The following COL9A1 variants were observed in gnomAD, a reference collection of about 807,000 sequenced individuals.
COL9A1 encodes the protein collagen alpha-1(IX) chain.
Under a neutral mutation model 142.6 loss-of-function variants are expected in COL9A1, and 104 were observed. The observed-to-expected ratio is 0.73, with a 90% CI of 0.62 to 0.86. The LOEUF is 0.86. Among genes scored for constraint, COL9A1 ranks in the 40% least tolerant of loss-of-function variants. COL9A1 has a pLI of 0.00. For synonymous variants in COL9A1, 466 were observed against 396.0 expected (o/e 1.18, Z -2.10); for missense variants, 1,210 against 1,176.6 (o/e 1.03, Z -0.42).
At position 70,235,955 on chromosome 6, in the gene COL9A1, A is replaced by C. The variant is rs78592179; in HGVS notation, c.2113-1015T>G. Among the ~76,000 whole-genome samples, 1,427 of 152,038 alleles carry C rather than the reference A, an allele frequency of 9.4e-3. 21 individuals are homozygous for C. The highest frequency in any genetic ancestry group is 0.031 in the African/African-American group (1,279 of 41,424). ...CGGTGAAACCCCTTCTCTACTAAAA[A>C]TACCAAAAATTAGCCGGCGTAGTGG... On this transcript the variant is annotated intron_variant, in intron 33 of 37. Coordinates refer to ENST00000357250, the MANE Select transcript of COL9A1 (RefSeq NM_001851.6).
rs374859096 is a variant in COL9A1, at chr6:70,261,588, G to C, written c.1396-878C>G. Reference sequence around the variant, plus strand: ...CTTAGAGAAAATGGGGCAAGTCCATGACCAACTCTTCATTCAGACCAGTCA... The same window carrying C: ...CTTAGAGAAAATGGGGCAAGTCCATCACCAACTCTTCATTCAGACCAGTCA... On this transcript the variant is annotated intron_variant, in intron 19 of 37. Coordinates refer to ENST00000357250, the MANE Select transcript of COL9A1 (RefSeq NM_001851.6). 5.9e-5 allele frequency among the ~76,000 whole-genome samples: 9 copies of C among 152,312 alleles called. No homozygotes were observed. In the East Asian group the frequency reaches 1.5e-3, roughly 26 times the overall value.
intron 36 of COL9A1, among the ~76,000 whole-genome samples, chr6:70,227,313 A>C (rs894712855): frequency 1.3e-5 from 2 of 151,838 alleles, no homozygotes; most frequent in African/African-American, 4.8e-5. Flanking sequence ...CAACAGCAAA[A>C]AAATGACCAA....
intron 5 of COL9A1, among the ~76,000 whole-genome samples, chr6:70,287,356 T>C (rs1258170227): frequency 1.3e-5 from 2 of 152,164 alleles, no homozygotes; most frequent in African/African-American, 4.8e-5. Context: ...AAGACTTTTT[T>C]TGCAAAAGAT....
chr6:70,274,871 G>A, intron 10 of COL9A1, 99 bp from the exon 11 acceptor site: 1 of 898,962 alleles, frequency 1.1e-6, no homozygotes, highest in South Asian at 1.4e-5. Context: ...TCTACAGGAT[G>A]GTTACATAAG....
In COL9A1 at chr6:70,302,460, G is replaced by A. The variant is rs112845874; in HGVS notation, c.15-386C>T. 4.3e-3 allele frequency among the ~76,000 whole-genome samples: 649 copies of A among 151,834 alleles called. 3 individuals are homozygous for A. The highest frequency in any genetic ancestry group is 0.015 in the African/African-American group (602 of 41,422). ...CCTGACCTCGTGATTCGCCCGCCTC[G>A]GCCTCCCAAAGTGCTGGGATTACAA... On this transcript the variant is annotated intron_variant, in intron 1 of 37. Transcript: ENST00000357250.
intron 36 of COL9A1, among the ~76,000 whole-genome samples, chr6:70,229,725 A>G (rs114313832): frequency 0.016 from 2,387 of 152,306 alleles, 74 homozygotes; most frequent in African/African-American, 0.054. Flanking sequence ...ATACCAAGCA[A>G]AGTGAATATA....
At chr6:70,300,815 A>C (rs1774034703) in intron 2 of COL9A1, among the ~76,000 whole-genome samples, 1 of 152,152 alleles carries the variant, frequency 6.6e-6, no homozygotes, top group South Asian at 2.1e-4. Context: ...GGGCTAGAAA[A>C]TGTTCCTTAA....
intron 37 of COL9A1, among the ~76,000 whole-genome samples, chr6:70,217,749 C>G (rs1244604322): frequency 6.6e-6 from 1 of 152,176 alleles, no homozygotes; most frequent in Non-Finnish European, 1.5e-5. Context: ...AGACAAATAG[C>G]TTTACATTCT....
chr6:70,237,463 G>A (rs1250372572), intron 33 of COL9A1, among the ~76,000 whole-genome samples: 1 of 152,224 alleles, frequency 6.6e-6, no homozygotes, highest in Non-Finnish European at 1.5e-5. Flanking sequence ...TTGTGGGACA[G>A]TAGACTTCAA....
In COL9A1 at chr6:70,217,071, G is replaced by A; in HGVS notation, c.2592C>T (p.Gly864=). ...GGCCATTTCTGCCATAGCTGGCAGGGCCTGGGTCACCTGAAACACACAGAA... is the reference window on the plus strand; with the variant it reads ...GGCCATTTCTGCCATAGCTGGCAGGACCTGGGTCACCTGAAACACACAGAA... The part of the protein sequence containing the change: ...PGAIGLPGDP[G]PASYGRNGRD... The change falls in exon 38 of 38, where the codon GGC becomes GGT. Residue 864 remains glycine (G), a synonymous_variant. Coordinates refer to ENST00000357250, the MANE Select transcript of COL9A1 (RefSeq NM_001851.6). 1 of 1,614,058 alleles carries A rather than the reference G, an allele frequency of 6.2e-7. No individual in the cohort carries two copies. Among genetic ancestry groups the A allele is most frequent in the South Asian group, 1.1e-5 (1 of 91,086 alleles).
At chr6:70,217,716 G>A (rs972527837) in intron 37 of COL9A1, among the ~76,000 whole-genome samples, 15 of 152,144 alleles carry the variant, frequency 9.9e-5, no homozygotes, top group African/African-American at 3.6e-4. Context: ...GTATAGTTTA[G>A]CGGTTAAAAA....
intron 36 of COL9A1, among the ~76,000 whole-genome samples, chr6:70,228,468 G>A (rs1335110451): frequency 6.6e-6 from 1 of 152,092 alleles, no homozygotes; most frequent in African/African-American, 2.4e-5. Flanking sequence ...GTTAGAAAAT[G>A]CAATGGCACC....
chr6:70,215,603 A>G (rs1375356547), downstream of COL9A1: 1 of 152,260 alleles, frequency 6.6e-6, no homozygotes, highest in Non-Finnish European at 1.5e-5. Flanking sequence ...AGATAATAAT[A>G]AAGTGCTTAA....
intron 25 of COL9A1, 68 bp downstream of exon 25, chr6:70,254,408 C>G: frequency 6.9e-7 from 1 of 1,442,396 alleles, no homozygotes; most frequent in Non-Finnish European, 9.8e-7. Flanking sequence ...TAGCATGTCT[C>G]TCCCCAAAAT....
At chr6:70,284,324 C>T (rs1034524165) in intron 5 of COL9A1, among the ~76,000 whole-genome samples, 11 of 152,126 alleles carry the variant, frequency 7.2e-5, no homozygotes, top group Non-Finnish European at 1.3e-4. Context: ...GAAAGAAAAT[C>T]TAGTCTTGGA....
chr6:70,216,846 G>A lies in COL9A1; in HGVS notation c.*51C>T, dbSNP rs1361950697. 5 of 1,594,554 alleles carry A rather than the reference G, an allele frequency of 3.1e-6. No individual in the cohort carries two copies. Among genetic ancestry groups the A allele is most frequent in the Non-Finnish European group, 4.3e-6 (5 of 1,164,026 alleles). On this transcript the variant is annotated 3_prime_UTR_variant, in exon 38 of 38. Coordinates refer to ENST00000357250, the MANE Select transcript of COL9A1 (RefSeq NM_001851.6). The stretch of plus-strand genomic sequence containing the variant: ...GCTTTGGATGGTGTTTCTCACCCAG[G>A]CTCCTTCACCAGGCGTGGTTCATGC...
chr6:70,219,160 G>C (rs1768717762), intron 37 of COL9A1, among the ~76,000 whole-genome samples: 1 of 152,194 alleles, frequency 6.6e-6, no homozygotes, highest in Non-Finnish European at 1.5e-5. Flanking sequence ...AGGTTTAAAA[G>C]ATGAGCCAGA....
chr6:70,282,886 C>A lies in COL9A1; in HGVS notation c.801+12G>T, dbSNP rs201713797. 1 of 1,614,162 alleles carries A rather than the reference C, an allele frequency of 6.2e-7. No individual in the cohort carries two copies. Among genetic ancestry groups the A allele is most frequent in the Admixed American group, 1.7e-5 (1 of 60,024 alleles). On this transcript the variant is annotated intron_variant, in intron 7 of 37. Transcript: ENST00000357250. The stretch of plus-strand genomic sequence containing the variant: ...GCTTGAAAAATGCAAACACTCCCTG[C>A]CCCCAACTTACCTCGTCGGTGGTCT...
At chr6:70,299,242 TTA>T (rs572047554) in intron 4 of COL9A1, among the ~76,000 whole-genome samples, 140 of 152,214 alleles carry the variant, frequency 9.2e-4, no homozygotes, top group African/African-American at 3.2e-3. Flanking sequence ...AGTTTCTATA[TTA>T]TCTTATTGTT....
Sources: gnomAD v4.1 joint callset for allele counts (sites outside exome capture counted in the v4.1 genomes callset) on GRCh38, gnomAD v4.1.1 for gene constraint, MANE v1.5 for transcripts, NCBI Gene and HGNC (gene_info 2026-07-23, HGNC 2026-07-21) for gene names.